The following CAST variants were observed in gnomAD, a reference collection of about 807,000 sequenced individuals.
CAST encodes MIR583 host.
A neutral mutation model predicts 119.6 loss-of-function variants in CAST; 76 were observed. The ratio of observed to expected loss-of-function variants is 0.64; its 90% CI spans 0.53 to 0.77. The LOEUF (loss-of-function observed/expected upper bound fraction) is 0.77, where lower values mean the gene tolerates loss of function less well. CAST is among the 30% of genes least tolerant of loss of function. The probability of loss-of-function intolerance (pLI) is 0.00; values close to 1 mark genes in which losing one functional copy is unlikely to be tolerated. For missense variants in CAST, 953 were observed against 946.5 expected, an observed-to-expected ratio of 1.01 and a Z score of -0.09; for synonymous variants, 319 against 331.6, an observed-to-expected ratio of 0.96 and a Z score of 0.41.
chr5:96,620,715 C>T (rs1031939360), intron 1 of CAST, among the ~76,000 whole-genome samples: 3 of 152,142 alleles, frequency 2.0e-5, no homozygotes, highest in South Asian at 4.2e-4. Context: ...TTACTATCTT[C>T]GACAGTGAAC....
In CAST at chr5:96,748,483, TC is replaced by T. The variant is rs1561573957; in HGVS notation, c.1333-31del. On this transcript the variant is annotated intron_variant, in intron 18 of 31. Transcript: ENST00000675179. The stretch of plus-strand genomic sequence containing the variant: ...TTTTTTTTTACAAAATAAAAAAGAG[TC>T]CCCTTGTAATATACAGCACTTCTTA... The T allele has an allele frequency of 3.0e-6, 3 of 992,038 alleles. No individual in the cohort carries two copies. In the South Asian group the frequency reaches 4.9e-5, roughly 16 times the overall value. 61.5% of individuals were successfully genotyped at this position (992,038 alleles called of 1,614,324 possible).
At chr5:96,421,975 A>G in the CAST span, 3 of 1,142,246 alleles carry the variant, frequency 2.6e-6, no homozygotes, top group African/African-American at 1.6e-5. Context: ...ACAACAAAAT[A>G]TAACACTGTG....
the CAST span, among the ~76,000 whole-genome samples, chr5:96,404,902 G>T: frequency 6.6e-6 from 1 of 152,132 alleles, no homozygotes; most frequent in Non-Finnish European, 1.5e-5. Flanking sequence ...AGCTGTGTCT[G>T]GTCTACAGTA....
At chr5:96,661,708 A>C (rs1748515086), upstream of CAST, among the ~76,000 whole-genome samples, 1 of 152,256 alleles carries the variant, frequency 6.6e-6, no homozygotes, top group Non-Finnish European at 1.5e-5. Context: ...AAAACTCGCC[A>C]GACTCTAGAA....
the CAST span, among the ~76,000 whole-genome samples, chr5:96,191,557 T>A: frequency 6.6e-6 from 1 of 152,188 alleles, no homozygotes; most frequent in Non-Finnish European, 1.5e-5. Context: ...CCCATAATTA[T>A]GTCACTAGCA....
the CAST span, among the ~76,000 whole-genome samples, chr5:96,260,572 G>A: frequency 6.6e-6 from 1 of 152,166 alleles, no homozygotes; most frequent in Non-Finnish European, 1.5e-5. Context: ...TGATAACATT[G>A]TAAATGGCAT....
At chr5:96,449,343 C>G in the CAST span, among the ~76,000 whole-genome samples, 1 of 152,214 alleles carries the variant, frequency 6.6e-6, no homozygotes, top group Non-Finnish European at 1.5e-5. Flanking sequence ...AGTAAGCAAC[C>G]ATGCCCACCT....
chr5:96,438,773 A>G, the CAST span, among the ~76,000 whole-genome samples: 3 of 152,200 alleles, frequency 2.0e-5, no homozygotes, highest in Admixed American at 1.3e-4. Context: ...TTTGAAAAAT[A>G]ATATTTCGGT....
chr5:96,397,235 C>T, the CAST span: 5 of 1,012,716 alleles, frequency 4.9e-6, no homozygotes, highest in African/African-American at 4.8e-5. Context: ...AGAAGGGGTA[C>T]AATTCTTTAG....
At chr5:96,170,081 TGA>T in the CAST span, among the ~76,000 whole-genome samples, 2 of 152,156 alleles carry the variant, frequency 1.3e-5, no homozygotes, top group African/African-American at 2.4e-5. Context: ...CCCTCCACTG[TGA>T]GAGTTACCCA....
chr5:96,165,326 G>A, the CAST span, among the ~76,000 whole-genome samples: 1 of 152,124 alleles, frequency 6.6e-6, no homozygotes, highest in Admixed American at 6.5e-5. Context: ...TGTGTGCAGA[G>A]GGGTAGATAG....
intron 3 of CAST, 135 bp from the exon 4 acceptor site, chr5:96,722,502 CTA>C: frequency 1.5e-6 from 1 of 651,472 alleles, no homozygotes; most frequent in Non-Finnish European, 2.8e-6. Flanking sequence ...ACACCACCTC[CTA>C]CTAGATTTTT....
chr5:96,162,462 G>C, the CAST span, among the ~76,000 whole-genome samples: 1 of 152,162 alleles, frequency 6.6e-6, no homozygotes, highest in Admixed American at 6.6e-5. Context: ...CTGTCGCCCA[G>C]GCTGGAGTGC....
At chr5:96,215,105 C>T in the CAST span, 1 of 152,132 alleles carries the variant, frequency 6.6e-6, no homozygotes, top group Non-Finnish European at 1.5e-5. Flanking sequence ...GGAAATTAAG[C>T]TAAATATTAA....
the CAST span, among the ~76,000 whole-genome samples, chr5:96,308,045 GT>G: frequency 6.6e-6 from 1 of 152,124 alleles, no homozygotes; most frequent in South Asian, 2.1e-4. Flanking sequence ...CCTGCAGAGT[GT>G]TTTCCAACTT....
the CAST span, among the ~76,000 whole-genome samples, chr5:96,240,616 T>A: frequency 6.6e-6 from 1 of 152,030 alleles, no homozygotes; most frequent in Non-Finnish European, 1.5e-5. Context: ...CAGGCTGGAG[T>A]GCAGTGGCAT....
At chr5:96,115,064 T>A in the CAST span, among the ~76,000 whole-genome samples, 533 of 152,306 alleles carry the variant, frequency 3.5e-3, 2 homozygotes, top group African/African-American at 4.5e-3. Context: ...GCAGAGTGTA[T>A]AGCATTTAAC....
chr5:96,379,800 T>A, the CAST span: 1 of 152,198 alleles, frequency 6.6e-6, no homozygotes, highest in Non-Finnish European at 1.5e-5. Context: ...CAATCAGCCC[T>A]TTTGGCCATT....
At position 96,737,865 on chromosome 5, in the gene CAST, C is replaced by A; in HGVS notation, c.716C>A (p.Ala239Asp). Reference protein sequence around the residue: ...KPSGKSGMDAALDDLIDTLGG... With the variant: ...KPSGKSGMDADLDDLIDTLGG... ...CTTTTCCAGTCAGGCATGGATGCTG[C>A]TTTGGATGACTTAATAGATACTTTA... Residue 239 changes from alanine (A) to aspartate (D), a missense_variant, in exon 11 of 32, where the codon GCT becomes GAT. Ala to Asp is a moderately radical substitution (Grantham distance 126). Transcript: ENST00000675179. The A allele has an allele frequency of 6.3e-7, 1 of 1,591,990 alleles. No individual in the cohort carries two copies. Among genetic ancestry groups the A allele is most frequent in the Non-Finnish European group, 8.6e-7 (1 of 1,160,444 alleles).
Sources: allele counts gnomAD v4.1 joint callset (sites outside exome capture counted in the v4.1 genomes callset), GRCh38; gene constraint gnomAD v4.1.1; transcripts MANE v1.5; gene names NCBI Gene and HGNC (gene_info 2026-07-23, HGNC 2026-07-21).